RTL4: variants seen among roughly 807,000 people sequenced by gnomAD.
RTL4 encodes the protein retrotransposon Gag like 4.
In RTL4, 4 loss-of-function variants were observed where a neutral mutation model predicts 5.3. The observed-to-expected ratio is 0.75, with a 90% CI of 0.37 to 1.72. The LOEUF is 1.72. RTL4 is among the 40% of genes most tolerant of loss of function. The probability of loss-of-function intolerance (pLI) is 0.04; values close to 1 mark genes in which losing one functional copy is unlikely to be tolerated. For missense variants in RTL4, 260 were observed against 227.1 expected, an observed-to-expected ratio of 1.14 and a Z score of -0.93; for synonymous variants, 98 against 87.3, an observed-to-expected ratio of 1.12 and a Z score of -0.68.
At chrX:112,339,703 GT>G in the RTL4 span, among the ~76,000 whole-genome samples, 1 of 112,607 alleles carries the variant, frequency 8.9e-6, no homozygotes, top group Non-Finnish European at 1.9e-5. Flanking sequence ...GTGCATTTAA[GT>G]TTTTTTGTGC....
At chrX:112,451,864 C>G (rs1926741956), upstream of RTL4, among the ~76,000 whole-genome samples, 1 of 111,293 alleles carries the variant, frequency 9.0e-6, no homozygotes, top group South Asian at 3.8e-4. Context: ...CCTCCCCATC[C>G]CTACTTCTCT....
At chrX:112,206,824 C>G in the RTL4 span, among the ~76,000 whole-genome samples, 1 of 111,704 alleles carries the variant, frequency 9.0e-6, no homozygotes, top group Non-Finnish European at 1.9e-5. Flanking sequence ...GATTCTGACC[C>G]CTACTCCTCC....
At chrX:112,278,272 G>C in the RTL4 span, among the ~76,000 whole-genome samples, 1 of 111,915 alleles carries the variant, frequency 8.9e-6, no homozygotes, top group Non-Finnish European at 1.9e-5. Context: ...GAATCTGTTT[G>C]ACCCTAGATT....
At chrX:112,266,812 C>G in the RTL4 span, among the ~76,000 whole-genome samples, 7,669 of 111,071 alleles carry the variant, frequency 0.069, 650 homozygotes, top group African/African-American at 0.24. Flanking sequence ...TTATGACAGT[C>G]ATTCTGTTTG....
the RTL4 span, among the ~76,000 whole-genome samples, chrX:112,096,729 T>G: frequency 2.7e-5 from 3 of 111,624 alleles, no homozygotes; most frequent in African/African-American, 9.8e-5. Context: ...CTGCACTACA[T>G]AGCAAAGCAA....
chrX:112,145,038 T>G, the RTL4 span, among the ~76,000 whole-genome samples: 2 of 110,844 alleles, frequency 1.8e-5, no homozygotes, highest in Admixed American at 9.6e-5. Flanking sequence ...CCATTCATCA[T>G]CAGACCTATT....
chrX:112,221,439 C>A, the RTL4 span, among the ~76,000 whole-genome samples: 2 of 111,498 alleles, frequency 1.8e-5, no homozygotes, highest in Admixed American at 9.6e-5. Context: ...GTGCTCCAGC[C>A]AGGTCATGAG....
the RTL4 span, among the ~76,000 whole-genome samples, chrX:112,407,689 C>G: frequency 2.7e-3 from 300 of 112,222 alleles, 3 homozygotes; most frequent in African/African-American, 9.0e-3. Context: ...TTATAGCAAG[C>G]CTTGTATGAG....
chrX:112,253,988 C>T, the RTL4 span, among the ~76,000 whole-genome samples: 1 of 112,270 alleles, frequency 8.9e-6, no homozygotes, highest in Non-Finnish European at 1.9e-5. Context: ...CCCACTTACC[C>T]TTGCTGTATT....
chrX:112,373,408 T>C, the RTL4 span, among the ~76,000 whole-genome samples: 1 of 111,210 alleles, frequency 9.0e-6, no homozygotes, highest in East Asian at 2.8e-4. Flanking sequence ...TTTTAATGTC[T>C]TGTGTGATGT....
the RTL4 span, among the ~76,000 whole-genome samples, chrX:112,357,742 CAG>C: frequency 9.0e-6 from 1 of 111,598 alleles, no homozygotes; most frequent in Non-Finnish European, 1.9e-5. Flanking sequence ...CTGATATAAT[CAG>C]AGCATGATGT....
the RTL4 span, among the ~76,000 whole-genome samples, chrX:112,355,620 C>T: frequency 1.8e-5 from 2 of 110,842 alleles, no homozygotes; most frequent in Non-Finnish European, 3.8e-5. Context: ...TCAGAAAAGC[C>T]TTACAAAGAG....
the RTL4 span, among the ~76,000 whole-genome samples, chrX:112,438,220 C>T: frequency 1.3e-5 from 1 of 75,199 alleles, no homozygotes; most frequent in Non-Finnish European, 2.5e-5. Flanking sequence ...GATGGCTTGA[C>T]TGAGGCCAGG....
At chrX:112,206,897 T>C in the RTL4 span, among the ~76,000 whole-genome samples, 1 of 111,836 alleles carries the variant, frequency 8.9e-6, no homozygotes, top group African/African-American at 3.3e-5. Context: ...TTAATGGCAC[T>C]ACTAAGCACT....
At chrX:112,181,024 G>A in the RTL4 span, among the ~76,000 whole-genome samples, 10 of 111,618 alleles carry the variant, frequency 9.0e-5, no homozygotes, top group Non-Finnish European at 1.5e-4. Context: ...TGCAGCCCAC[G>A]GAGGGTGAGC....
chrX:112,440,793 A>T, the RTL4 span, among the ~76,000 whole-genome samples: 21 of 112,028 alleles, frequency 1.9e-4, no homozygotes, highest in Non-Finnish European at 3.8e-4. Context: ...ATGAGTGGTG[A>T]CAGGCATGAA....
At chrX:112,410,604 G>T in the RTL4 span, among the ~76,000 whole-genome samples, 1 of 111,441 alleles carries the variant, frequency 9.0e-6, no homozygotes, top group African/African-American at 3.2e-5. Flanking sequence ...AAAAACACAT[G>T]GAAATTAAAC....
At chrX:112,278,300 T>C in the RTL4 span, among the ~76,000 whole-genome samples, 1 of 112,196 alleles carries the variant, frequency 8.9e-6, no homozygotes, top group African/African-American at 3.2e-5. Context: ...AGGAATCATG[T>C]TTTTAATTTT....
the RTL4 span, among the ~76,000 whole-genome samples, chrX:112,144,897 T>TA: frequency 8.9e-6 from 1 of 111,878 alleles, no homozygotes; most frequent in Non-Finnish European, 1.9e-5. Context: ...TCTTGATTTC[T>TA]AATCCCAAAT....
Sources: allele counts gnomAD v4.1 joint callset (sites outside exome capture counted in the v4.1 genomes callset), GRCh38; gene constraint gnomAD v4.1.1; transcripts MANE v1.5; gene names NCBI Gene and HGNC (gene_info 2026-07-23, HGNC 2026-07-21).